UBAC2: variants seen among roughly 807,000 people sequenced by gnomAD.
The protein encoded by UBAC2 is ubiquitin-associated domain-containing protein 2.
UBAC2 carries 26 observed loss-of-function variants against 44.0 expected under a neutral mutation model. The ratio of observed to expected loss-of-function variants is 0.59; its 90% CI spans 0.43 to 0.82. The LOEUF is 0.82. Among genes scored for constraint, UBAC2 ranks in the 40% least tolerant of loss-of-function variants. UBAC2 has a pLI of 0.00. For missense variants in UBAC2, 329 were observed against 419.4 expected, an observed-to-expected ratio of 0.78 and a Z score of 1.88; for synonymous variants, 155 against 154.3, an observed-to-expected ratio of 1.00 and a Z score of -0.04.
chr13:99,244,708 A>C, intron 4 of UBAC2, 84 bp downstream of exon 4: 1 of 827,218 alleles, frequency 1.2e-6, no homozygotes, highest in South Asian at 1.9e-5. Context: ...AAAGTCAGTA[A>C]AATAATATTT....
intron 7 of UBAC2, among the ~76,000 whole-genome samples, chr13:99,366,418 A>G (rs1415202483): frequency 1.3e-5 from 2 of 152,222 alleles, no homozygotes; most frequent in Admixed American, 6.5e-5. Context: ...ATATCTCTCC[A>G]GAGTAATTTT....
At chr13:99,310,300 C>T (rs1232836897) in intron 4 of UBAC2, among the ~76,000 whole-genome samples, 1 of 152,188 alleles carries the variant, frequency 6.6e-6, no homozygotes, top group Non-Finnish European at 1.5e-5. Flanking sequence ...GCACTCTACT[C>T]CAGCCTGGGT....
chr13:99,331,376 A>C (rs1275448501), intron 6 of UBAC2, among the ~76,000 whole-genome samples: 1 of 152,226 alleles, frequency 6.6e-6, no homozygotes, highest in African/African-American at 2.4e-5. Context: ...CTCCTGATGC[A>C]TGATTTCCCA....
rs557612989 is a variant in UBAC2 at position 99,324,410 on chromosome 13, GA to G, written c.561+6342del. On this transcript the variant is annotated intron_variant, in intron 6 of 8. Coordinates refer to ENST00000403766, the MANE Select transcript of UBAC2 (RefSeq NM_001144072.2). ...ACCATTGCTCTGTCCCCTTTGCCATGAGAAAAGCAGGGCCCGGAGAGGGGCA... is the reference window on the plus strand; with the variant it reads ...ACCATTGCTCTGTCCCCTTTGCCATGGAAAAGCAGGGCCCGGAGAGGGGCA... 3.3e-5 allele frequency among the ~76,000 whole-genome samples: 5 copies of G among 152,244 alleles called. No homozygotes were observed. In the South Asian group the frequency reaches 1.0e-3, roughly 32 times the overall value.
rs559812537 is a variant in UBAC2 at position 99,219,810 on chromosome 13, A to G, written c.32-18617A>G. On this transcript the variant is annotated intron_variant, in intron 1 of 8. Coordinates refer to ENST00000403766, the MANE Select transcript of UBAC2 (RefSeq NM_001144072.2). ...CTGGACATTTCATATAAGTGGAGTC[A>G]TATAGTACATAACTTTATATGACTG... Among the ~76,000 whole-genome samples the G allele has an allele frequency of 1.8e-3, 267 of 152,348 alleles. 1 individual carries two copies. The highest frequency in any genetic ancestry group is 3.3e-3 in the Non-Finnish European group (227 of 68,034).
rs547948513 is a variant in UBAC2 at position 99,382,709 on chromosome 13, C to T, written c.928-2519C>T. Reference sequence around the variant, plus strand: ...TGGGGAGAAGCTATCACCCCACAGACACAGCTGCAGGGAGCCCAGGACAGA... The same window carrying T: ...TGGGGAGAAGCTATCACCCCACAGATACAGCTGCAGGGAGCCCAGGACAGA... On this transcript the variant is annotated intron_variant, in intron 8 of 8. Transcript: ENST00000403766. Among the ~76,000 whole-genome samples, 5 of 152,292 alleles carry T rather than the reference C, an allele frequency of 3.3e-5. No homozygotes were observed. The East Asian group carries it at 9.6e-4, about 29-fold the overall frequency.
intron 6 of UBAC2, among the ~76,000 whole-genome samples, chr13:99,325,098 CTTTTTTT>C (rs55672515): frequency 5.8e-5 from 5 of 86,126 alleles, no homozygotes; most frequent in Non-Finnish European, 8.6e-5. Flanking sequence ...TGTCTATGCT[CTTTTTTT>C]TTTTTTTTTT....
chr13:99,233,135 C>T (rs1244142520), intron 1 of UBAC2, among the ~76,000 whole-genome samples: 3 of 148,672 alleles, frequency 2.0e-5, no homozygotes, highest in South Asian at 2.1e-4. Context: ...TTTTCTGAGA[C>T]GAAGTCTTAC....
At chr13:99,227,212 C>A (rs1313042630) in intron 1 of UBAC2, among the ~76,000 whole-genome samples, 2 of 150,174 alleles carry the variant, frequency 1.3e-5, no homozygotes, top group Non-Finnish European at 3.0e-5. Flanking sequence ...AAAAAAAAAA[C>A]AACAAAAAAA....
At chr13:99,252,640 TA>T (rs148082492) in intron 4 of UBAC2, among the ~76,000 whole-genome samples, 2,756 of 152,352 alleles carry the variant, frequency 0.018, 51 homozygotes, top group Non-Finnish European at 0.029. Flanking sequence ...ATATACCTAT[TA>T]TTTTTTGTTA....
chr13:99,260,747 C>T (rs1364067392), intron 4 of UBAC2, among the ~76,000 whole-genome samples: 1 of 151,952 alleles, frequency 6.6e-6, no homozygotes, highest in Non-Finnish European at 1.5e-5. Context: ...GGAACTTATT[C>T]AGGGACCATT....
At chr13:99,312,166 G>A (rs2044420560) in intron 4 of UBAC2, among the ~76,000 whole-genome samples, 1 of 152,250 alleles carries the variant, frequency 6.6e-6, no homozygotes, top group African/African-American at 2.4e-5. Flanking sequence ...TGAGAGGACA[G>A]TGCATTTTTT....
intron 2 of UBAC2, among the ~76,000 whole-genome samples, chr13:99,241,936 A>C: frequency 6.7e-6 from 1 of 149,028 alleles, no homozygotes; most frequent in African/African-American, 2.5e-5. Context: ...AGTGGTGATG[A>C]CTCTTAAGGA....
intron 7 of UBAC2, among the ~76,000 whole-genome samples, chr13:99,357,778 C>T (rs908189552): frequency 6.6e-6 from 1 of 152,214 alleles, no homozygotes; most frequent in African/African-American, 2.4e-5. Flanking sequence ...TTCCACCCCG[C>T]CTTCATTAGT....
intron 1 of UBAC2, among the ~76,000 whole-genome samples, chr13:99,213,817 ATATTTTATTT>A (rs910735578): frequency 1.3e-5 from 2 of 152,108 alleles, no homozygotes; most frequent in South Asian, 4.1e-4. Context: ...AAAGATAAGA[ATATTTTATTT>A]TATTTTATTG....
chr13:99,202,572 A>G (rs2042817622), intron 1 of UBAC2, among the ~76,000 whole-genome samples: 1 of 152,258 alleles, frequency 6.6e-6, no homozygotes, highest in South Asian at 2.1e-4. Flanking sequence ...CCATGAGATT[A>G]TATTGGCCAA....
chr13:99,260,209 G>T (rs975066678), intron 4 of UBAC2, among the ~76,000 whole-genome samples: 6 of 152,204 alleles, frequency 3.9e-5, no homozygotes, highest in African/African-American at 1.2e-4. Flanking sequence ...TGGGCTGGTT[G>T]TTCATCCCTG....
Position 99,238,486 on chromosome 13 carries a change from G to C in UBAC2, c.91G>C (p.Ala31Pro). ...CCCCAGTGCCCTCTCCCTCCTGCTC[G>C]CCCTCCTCCTGCCTCACTGCCAGAA... ...LVPSALSLLL[A>P]LLLPHCQKLF... The change falls in exon 2 of 9, where the codon GCC becomes CCC. Residue 31 changes from alanine to proline, a missense_variant. Physicochemically the swap from Ala to Pro is conservative, Grantham distance 27 (BLOSUM62 -1). Transcript: ENST00000403766. The C allele has an allele frequency of 1.2e-6, 2 of 1,613,758 alleles. No homozygotes were observed. The highest frequency in any genetic ancestry group is 1.7e-6 in the Non-Finnish European group (2 of 1,179,862).
At chr13:99,296,310 A>G (rs1012366360) in intron 4 of UBAC2, 19 of 535,078 alleles carry the variant, frequency 3.6e-5, no homozygotes, top group Middle Eastern at 5.0e-4. Flanking sequence ...ATGACATGCA[A>G]TTTTTAACAG....
Sources: gnomAD v4.1 joint callset for allele counts (sites outside exome capture counted in the v4.1 genomes callset) on GRCh38, gnomAD v4.1.1 for gene constraint, MANE v1.5 for transcripts, NCBI Gene and HGNC (gene_info 2026-07-23, HGNC 2026-07-21) for gene names.